PIK3CB: variants seen among roughly 807,000 people sequenced by gnomAD.
The protein encoded by PIK3CB is phosphatidylinositol-4,5-bisphosphate 3-kinase catalytic subunit beta.
PIK3CB carries 39 observed loss-of-function variants against 136.8 expected under a neutral mutation model. The ratio of observed to expected loss-of-function variants is 0.29; its 90% CI spans 0.22 to 0.37. The LOEUF (loss-of-function observed/expected upper bound fraction) is 0.37, where lower values mean the gene tolerates loss of function less well. Ranked by LOEUF, PIK3CB falls within the 10% of genes least tolerant of loss-of-function variation. The probability of loss-of-function intolerance (pLI) is 1.00; values close to 1 mark genes in which losing one functional copy is unlikely to be tolerated. For missense variants in PIK3CB, 868 were observed against 1,275.4 expected (o/e 0.68, Z 4.87); for synonymous variants, 428 against 436.6 (o/e 0.98, Z 0.25).
At chr3:138,773,800 T>G (rs143485516) in intron 2 of PIK3CB, among the ~76,000 whole-genome samples, 2 of 152,160 alleles carry the variant, frequency 1.3e-5, no homozygotes, top group African/African-American at 4.8e-5. Context: ...CCAGGAGAAA[T>G]GTATTTCATC....
intron 2 of PIK3CB, among the ~76,000 whole-genome samples, chr3:138,789,604 G>A (rs1398359614): frequency 1.3e-5 from 2 of 152,120 alleles, no homozygotes; most frequent in Non-Finnish European, 1.5e-5. Context: ...ACAACAGCCA[G>A]AAGGTAGAAA....
At chr3:138,707,524 C>A in intron 10 of PIK3CB, 1 of 1,265,488 alleles carries the variant, frequency 7.9e-7, no homozygotes, top group Non-Finnish European at 9.9e-7. Context: ...TGAATGACTA[C>A]TTTACCTCTT....
chr3:138,684,988 A>T (rs2043854095), intron 16 of PIK3CB, 185 bp from the exon 17 acceptor site: 2 of 513,228 alleles, frequency 3.9e-6, no homozygotes, highest in Non-Finnish European at 6.8e-6. Context: ...ACTTATTTTT[A>T]ACAGTTGTTA....
chr3:138,760,625 G>C (rs1327998502), intron 2 of PIK3CB, among the ~76,000 whole-genome samples: 4 of 152,198 alleles, frequency 2.6e-5, no homozygotes, highest in Non-Finnish European at 4.4e-5. Flanking sequence ...AGAGACAGGA[G>C]GCCGGGCACA....
At chr3:138,757,736 G>A (rs1407919227) in intron 3 of PIK3CB, among the ~76,000 whole-genome samples, 2 of 150,916 alleles carry the variant, frequency 1.3e-5, no homozygotes, top group African/African-American at 2.4e-5. Flanking sequence ...AAGAGAGGGA[G>A]GGAGGGAGCG....
intron 21 of PIK3CB, among the ~76,000 whole-genome samples, chr3:138,660,386 C>T (rs1022971143): frequency 7.9e-5 from 12 of 152,130 alleles, no homozygotes; most frequent in Non-Finnish European, 2.9e-5. Context: ...TTTAAAGATA[C>T]AATATATTTT....
chr3:138,713,292 C>T (rs993935934), intron 9 of PIK3CB, among the ~76,000 whole-genome samples: 9 of 150,254 alleles, frequency 6.0e-5, no homozygotes, highest in Non-Finnish European at 1.0e-4. Flanking sequence ...GGATTACAGG[C>T]GTGGGCCACT....
In PIK3CB at chr3:138,655,551, A is replaced by G. The variant is rs375468712; in HGVS notation, c.3076-25T>C. ...CCTAAAATGGAAGGGGGAAAATATGATTTTATATAACTTTAGTAGAGATGT... is the reference window on the plus strand; with the variant it reads ...CCTAAAATGGAAGGGGGAAAATATGGTTTTATATAACTTTAGTAGAGATGT... On this transcript the variant is annotated intron_variant, in intron 23 of 23. Coordinates refer to ENST00000674063, the MANE Select transcript of PIK3CB (RefSeq NM_006219.3). 5 of 1,583,782 alleles carry G rather than the reference A, an allele frequency of 3.2e-6. No individual in the cohort carries two copies. In the African/African-American group the frequency reaches 5.4e-5, roughly 17 times the overall value.
intron 19 of PIK3CB, among the ~76,000 whole-genome samples, chr3:138,669,733 T>A (rs361094): frequency 0.6 from 90,615 of 151,978 alleles, 27,846 homozygotes; most frequent in East Asian, 0.99. Flanking sequence ...AAAATGAGCA[T>A]TATGTATTTT....
At chr3:138,680,479 A>T (rs1425225191) in intron 19 of PIK3CB, among the ~76,000 whole-genome samples, 1 of 152,192 alleles carries the variant, frequency 6.6e-6, no homozygotes, top group Non-Finnish European at 1.5e-5. Flanking sequence ...ACTGGACTAT[A>T]TCTTTGTGTA....
At position 138,819,279 on chromosome 3, in the gene PIK3CB, G is replaced by A. The variant is rs945874515; in HGVS notation, c.-122+15416C>T. ...AAAGAATCACTTGAACCCTGGAGGCGGAGATGGCAGTTAGCCGAGATTGCG... is the reference window on the plus strand; with the variant it reads ...AAAGAATCACTTGAACCCTGGAGGCAGAGATGGCAGTTAGCCGAGATTGCG... On this transcript the variant is annotated intron_variant, in intron 1 of 23. Transcript: ENST00000674063. Among the ~76,000 whole-genome samples the A allele has an allele frequency of 3.9e-5, 6 of 152,032 alleles. No homozygotes were observed. The South Asian group carries it at 6.2e-4, about 16-fold the overall frequency.
chr3:138,768,424 T>A (rs1273964873), intron 2 of PIK3CB, among the ~76,000 whole-genome samples: 1 of 152,196 alleles, frequency 6.6e-6, no homozygotes, highest in South Asian at 2.1e-4. Context: ...AGCCTGGGGC[T>A]TTTATGGGCC....
At chr3:138,677,428 A>T (rs1024924120) in intron 19 of PIK3CB, among the ~76,000 whole-genome samples, 1 of 152,246 alleles carries the variant, frequency 6.6e-6, no homozygotes, top group African/African-American at 2.4e-5. Context: ...TGGTACAAAA[A>T]GCAATGGTGA....
At chr3:138,677,070 T>TTC (rs921274152) in intron 19 of PIK3CB, among the ~76,000 whole-genome samples, 5 of 151,894 alleles carry the variant, frequency 3.3e-5, no homozygotes, top group African/African-American at 1.2e-4. Flanking sequence ...TTTTTTTTTT[T>TTC]TTTTGAGATG....
rs2045712125 is a variant in PIK3CB, at chr3:138,764,972, G to A, written c.-16-5613C>T. Reference sequence around the variant, plus strand: ...GCTCTTTAGCTCCTGGCACATATTAGCCTCTCAATAAATAATCACTTATGG... The same window carrying A: ...GCTCTTTAGCTCCTGGCACATATTAACCTCTCAATAAATAATCACTTATGG... On this transcript the variant is annotated intron_variant, in intron 2 of 23. Coordinates refer to ENST00000674063, the MANE Select transcript of PIK3CB (RefSeq NM_006219.3). Among the ~76,000 whole-genome samples the A allele has an allele frequency of 3.9e-5, 6 of 152,232 alleles. No homozygotes were observed. The South Asian group carries it at 1.2e-3, about 32-fold the overall frequency.
intron 1 of PIK3CB, among the ~76,000 whole-genome samples, chr3:138,831,426 A>T (rs1352882175): frequency 6.7e-6 from 1 of 150,056 alleles, no homozygotes; most frequent in African/African-American, 2.5e-5. Context: ...AACCCCTAAA[A>T]ATACAAAAAA....
At chr3:138,698,712 A>C (rs1444156354) in intron 13 of PIK3CB, among the ~76,000 whole-genome samples, 195 bp downstream of exon 13, 1 of 152,170 alleles carries the variant, frequency 6.6e-6, no homozygotes, top group Non-Finnish European at 1.5e-5. Flanking sequence ...TGGCAATCCT[A>C]CCCAAAATCT....
rs762695861 is a variant in PIK3CB, at chr3:138,655,462, T to C, written c.3140A>G (p.Glu1047Gly). ...AGTAGTCCAGCTTTCCCTGAGCGCC[T>C]CATCAAATTTTTGCTTAAACTGTTT... ...ALKQFKQKFD[E>G]ALRESWTTKV... Residue 1047 changes from glutamate to glycine, a missense_variant, in exon 24 of 24, where the codon GAG becomes GGG. Glu to Gly is a moderately conservative substitution (Grantham distance 98). Coordinates refer to ENST00000674063, the MANE Select transcript of PIK3CB (RefSeq NM_006219.3). The C allele has an allele frequency of 5.0e-6, 8 of 1,613,580 alleles. No homozygotes were observed. In the South Asian group the frequency reaches 8.8e-5, roughly 18 times the overall value.
At chr3:138,722,255 C>CGT (rs1210541574) in intron 8 of PIK3CB, among the ~76,000 whole-genome samples, 2 of 138,414 alleles carry the variant, frequency 1.4e-5, no homozygotes, top group African/African-American at 5.2e-5. Context: ...CACACACACA[C>CGT]ACGTGTGTAG....
Sources: allele counts gnomAD v4.1 joint callset (sites outside exome capture counted in the v4.1 genomes callset), GRCh38; gene constraint gnomAD v4.1.1; transcripts MANE v1.5; gene names NCBI Gene and HGNC (gene_info 2026-07-23, HGNC 2026-07-21).